Variants in C10orf90 observed in about 807,000 individuals in gnomAD.
C10orf90 encodes chromosome 10 open reading frame 90, also known as (E2-independent) E3 ubiquitin-conjugating enzyme FATS.
In C10orf90, 56 loss-of-function variants were observed where a neutral mutation model predicts 62.5. That is an observed-to-expected ratio of 0.90 (90% CI 0.72 to 1.12). The LOEUF (loss-of-function observed/expected upper bound fraction) is 1.12, where lower values mean the gene tolerates loss of function less well. C10orf90 is among the 50% of genes most tolerant of loss of function. C10orf90 has a pLI of 0.00. For synonymous variants in C10orf90, 386 were observed against 340.4 expected, an observed-to-expected ratio of 1.13 and a Z score of -1.47; for missense variants, 970 against 880.4, an observed-to-expected ratio of 1.10 and a Z score of -1.29.
At chr10:126,434,573 A>G (rs967290183) in intron 7 of C10orf90, among the ~76,000 whole-genome samples, 1 of 152,210 alleles carries the variant, frequency 6.6e-6, no homozygotes, top group Non-Finnish European at 1.5e-5. Context: ...CAAAACCAAG[A>G]GATACCCGTT....
At position 126,655,579 on chromosome 10, in the gene C10orf90, T is replaced by G. The variant is rs549691325; in HGVS notation, c.241-8942A>C. Among the ~76,000 whole-genome samples the G allele has an allele frequency of 5.9e-5, 9 of 152,294 alleles. No individual in the cohort carries two copies. In the South Asian group the frequency reaches 1.9e-3, roughly 32 times the overall value. On this transcript the variant is annotated intron_variant, in intron 1 of 9. Transcript: ENST00000488181. Reference sequence around the variant, plus strand: ...ATGAGCTGTACTTGACAATGTGAGCTGATGATTCTAGAACTGAGTCCATTT... The same window carrying G: ...ATGAGCTGTACTTGACAATGTGAGCGGATGATTCTAGAACTGAGTCCATTT...
chr10:126,653,589 C>A (rs1466707054), intron 1 of C10orf90, among the ~76,000 whole-genome samples: 1 of 152,214 alleles, frequency 6.6e-6, no homozygotes, highest in African/African-American at 2.4e-5. Context: ...ACTTCCTCCA[C>A]TGAAGTCTCG....
At chr10:126,461,228 A>G (rs1395399630) in intron 6 of C10orf90, among the ~76,000 whole-genome samples, 173 bp downstream of exon 6, 1 of 152,184 alleles carries the variant, frequency 6.6e-6, no homozygotes, top group African/African-American at 2.4e-5. Context: ...CCATTATTCA[A>G]ACAGTGACAG....
chr10:126,646,366 C>A (rs540141723), intron 2 of C10orf90, among the ~76,000 whole-genome samples, 199 bp downstream of exon 2: 31 of 152,348 alleles, frequency 2.0e-4, no homozygotes, highest in South Asian at 1.4e-3. Flanking sequence ...CTGTGGCATC[C>A]TTTAGCCTCA....
At chr10:126,538,795 A>G (rs1468516876) in intron 2 of C10orf90, among the ~76,000 whole-genome samples, 1 of 152,172 alleles carries the variant, frequency 6.6e-6, no homozygotes, top group East Asian at 1.9e-4. Context: ...GTACCATTCT[A>G]CCTCTGCTTA....
intron 1 of C10orf90, among the ~76,000 whole-genome samples, chr10:126,652,571 AG>A (rs1434262829): frequency 6.6e-6 from 1 of 152,176 alleles, no homozygotes; most frequent in Non-Finnish European, 1.5e-5. Context: ...CTGTCTAATG[AG>A]ATGTGGTCTG....
At chr10:126,551,304 A>G (rs756514890) in intron 2 of C10orf90, among the ~76,000 whole-genome samples, 4 of 152,232 alleles carry the variant, frequency 2.6e-5, no homozygotes, top group African/African-American at 4.8e-5. Context: ...ACCACTACCA[A>G]CACCTCTGTG....
intron 1 of C10orf90, among the ~76,000 whole-genome samples, chr10:126,653,249 G>A (rs1251465470): frequency 2.0e-5 from 3 of 152,258 alleles, no homozygotes; most frequent in South Asian, 2.1e-4. Context: ...TTCCTTTCAC[G>A]AAACAGTTCT....
chr10:126,453,999 C>G lies in C10orf90; in HGVS notation c.2188+5041G>C, dbSNP rs1040279210. On this transcript the variant is annotated intron_variant, in intron 7 of 9. Coordinates refer to ENST00000488181, the MANE Select transcript of C10orf90 (RefSeq NM_001350921.2). This position sits in a 1 kb window ranked among gnomAD's most constrained non-coding sequence, Gnocchi z 4.9. ...GGGTGAGGGATGGAATCCAGGGAGG[C>G]TCTGAAGCTGGGCCCCCAGCCTAGA... 4.6e-5 allele frequency among the ~76,000 whole-genome samples: 7 copies of G among 152,064 alleles called. No homozygotes were observed. Among genetic ancestry groups the G allele is most frequent in the Admixed American group, 3.3e-4 (5 of 15,270 alleles).
intron 2 of C10orf90, among the ~76,000 whole-genome samples, chr10:126,585,528 T>C (rs564231441): frequency 5.3e-4 from 33 of 61,976 alleles, no homozygotes; most frequent in Middle Eastern, 0.011. Flanking sequence ...AAGAGGAGAA[T>C]GAGAGAAAAA....
chr10:126,616,861 C>T (rs1845551393), intron 2 of C10orf90, among the ~76,000 whole-genome samples: 1 of 152,136 alleles, frequency 6.6e-6, no homozygotes, highest in African/African-American at 2.4e-5. Flanking sequence ...TCTGGGATCC[C>T]ATGACCTTCA....
chr10:126,481,785 C>G (rs1395191243), intron 4 of C10orf90, among the ~76,000 whole-genome samples: 1 of 152,200 alleles, frequency 6.6e-6, no homozygotes, highest in African/African-American at 2.4e-5. Context: ...GTTCCAAAGA[C>G]CAGCCATAAA....
intron 2 of C10orf90, among the ~76,000 whole-genome samples, chr10:126,613,087 G>C (rs547803733): frequency 2.2e-4 from 34 of 152,224 alleles, no homozygotes; most frequent in African/African-American, 7.2e-4. Flanking sequence ...CCTTGAAAGG[G>C]AGGCAAATAC....
chr10:126,524,293 G>C (rs1863867340), intron 2 of C10orf90, among the ~76,000 whole-genome samples: 1 of 152,150 alleles, frequency 6.6e-6, no homozygotes, highest in South Asian at 2.1e-4. Flanking sequence ...TGAGGGTCTT[G>C]TTTTCAGACC....
intron 4 of C10orf90, among the ~76,000 whole-genome samples, chr10:126,488,762 A>G (rs1861565741): frequency 6.6e-6 from 1 of 152,166 alleles, no homozygotes; most frequent in Non-Finnish European, 1.5e-5. Context: ...AATCCCTTGA[A>G]AGACACAGAA....
chr10:126,502,925 T>C (rs961194582), intron 4 of C10orf90: 5 of 389,544 alleles, frequency 1.3e-5, no homozygotes, highest in Non-Finnish European at 2.6e-5. Context: ...TTTCAATATA[T>C]ATACAGTTGT....
At chr10:126,635,835 A>G (rs935713177) in intron 2 of C10orf90, among the ~76,000 whole-genome samples, 1 of 152,144 alleles carries the variant, frequency 6.6e-6, no homozygotes, top group African/African-American at 2.4e-5. Context: ...ATTTCCATTT[A>G]AAAATATAAA....
chr10:126,472,055 T>C (rs1860612809), intron 4 of C10orf90, among the ~76,000 whole-genome samples: 1 of 152,174 alleles, frequency 6.6e-6, no homozygotes, highest in African/African-American at 2.4e-5. Flanking sequence ...TCTACCTTCC[T>C]TTCAGGAAGT....
At chr10:126,528,658 C>T (rs1591071907) in intron 2 of C10orf90, among the ~76,000 whole-genome samples, 1 of 152,328 alleles carries the variant, frequency 6.6e-6, no homozygotes, top group Non-Finnish European at 1.5e-5. Flanking sequence ...AAGCGAGTCA[C>T]TTACCTCCTC....
Sources: allele counts gnomAD v4.1 joint callset (sites outside exome capture counted in the v4.1 genomes callset), GRCh38; gene constraint gnomAD v4.1.1; non-coding constraint Gnocchi (gnomAD v3.1); transcripts MANE v1.5; gene names NCBI Gene and HGNC (gene_info 2026-07-23, HGNC 2026-07-21).